SGIP1: variants seen among roughly 807,000 people sequenced by gnomAD.
The protein encoded by SGIP1 is SH3GL interacting endocytic adaptor 1, also known as SH3-containing GRB2-like protein 3-interacting protein 1.
SGIP1 carries 38 observed loss-of-function variants against 107.5 expected under a neutral mutation model. That is an observed-to-expected ratio of 0.35 (90% CI 0.27 to 0.46). SGIP1 has a LOEUF of 0.46. Ranked by LOEUF, SGIP1 falls within the 20% of genes least tolerant of loss-of-function variation. The pLI is 1.00. For synonymous variants in SGIP1, 365 were observed against 366.1 expected (o/e 1.00, Z 0.03); for missense variants, 929 against 1,019.5 (o/e 0.91, Z 1.21).
At chr1:66,615,563 G>A (rs1447342544) in intron 1 of SGIP1, among the ~76,000 whole-genome samples, 1 of 152,104 alleles carries the variant, frequency 6.6e-6, no homozygotes, top group Non-Finnish European at 1.5e-5. Flanking sequence ...AAAAGGAAAG[G>A]GCATATAGAA....
chr1:66,680,277 T>A (rs949565095), intron 14 of SGIP1, among the ~76,000 whole-genome samples: 5 of 152,266 alleles, frequency 3.3e-5, no homozygotes, highest in African/African-American at 1.2e-4. Flanking sequence ...TTATGAAATA[T>A]GGCAAGGAAT....
chr1:66,664,032 G>A (rs1260160489), intron 8 of SGIP1, among the ~76,000 whole-genome samples: 2 of 151,948 alleles, frequency 1.3e-5, no homozygotes, highest in African/African-American at 4.8e-5. Context: ...TTCATCTTGG[G>A]CCACTTTTAG....
At chr1:66,580,921 C>T (rs12091475) in intron 1 of SGIP1, among the ~76,000 whole-genome samples, 28,584 of 151,956 alleles carry the variant, frequency 0.19, 3,177 homozygotes, top group African/African-American at 0.31. Context: ...TAACTAACAA[C>T]CAGCTGTTTC....
chr1:66,588,505 A>G (rs67915022), intron 1 of SGIP1, among the ~76,000 whole-genome samples: 28,602 of 152,034 alleles, frequency 0.19, 3,189 homozygotes, highest in African/African-American at 0.31. Flanking sequence ...GAGACCATAT[A>G]CTCCAAGGCA....
intron 1 of SGIP1, among the ~76,000 whole-genome samples, chr1:66,617,852 C>A (rs2069798621): frequency 6.6e-6 from 1 of 152,104 alleles, no homozygotes; most frequent in Non-Finnish European, 1.5e-5. Context: ...AAATCGCATT[C>A]TTGTTTTTTG....
At chr1:66,695,271 A>AAAAAAAAAAAAAAAAAAATT in intron 17 of SGIP1, 163 bp from the exon 18 acceptor site, 1 of 1,325,974 alleles carries the variant, frequency 7.5e-7, no homozygotes, top group Non-Finnish European at 9.9e-7. Flanking sequence ...AAAAAAAAAA[A>AAAAAAAAAAAAAAAAAAATT]GTGTAGATTG....
chr1:66,679,633 A>G, intron 13 of SGIP1, 45 bp from the exon 14 acceptor site: 1 of 1,574,856 alleles, frequency 6.3e-7, no homozygotes, highest in South Asian at 1.2e-5. Context: ...TGTATGACTT[A>G]GGAAGCACAT....
At chr1:66,639,210 A>G (rs1428626180) in intron 4 of SGIP1, among the ~76,000 whole-genome samples, 1 of 152,172 alleles carries the variant, frequency 6.6e-6, no homozygotes, top group Admixed American at 6.5e-5. Context: ...AAGAAAAGCC[A>G]TTTGAAAAAA....
chr1:66,649,769 A>C (rs1249778493), intron 7 of SGIP1, among the ~76,000 whole-genome samples: 1 of 152,174 alleles, frequency 6.6e-6, no homozygotes, highest in Non-Finnish European at 1.5e-5. Context: ...CCAAAGTCAG[A>C]ATTCAACATA....
intron 4 of SGIP1, among the ~76,000 whole-genome samples, chr1:66,637,455 T>TGTGTG (rs2076007913): frequency 2.9e-4 from 11 of 38,458 alleles, no homozygotes; most frequent in South Asian, 2.3e-3. Flanking sequence ...GTGTGTGTGT[T>TGTGTG]TGTGTGTGTG....
Position 66,696,019 on chromosome 1 carries a change from T to C in SGIP1, c.1630+526T>C, listed in dbSNP as rs548268598. On this transcript the variant is annotated intron_variant, in intron 18 of 24. Transcript: ENST00000371037. ...AATCGGGAAAAGAAAAAAAGGAGTT[T>C]ATTAGTAAGTTTGTTCTGCGTCTCC... Among the ~76,000 whole-genome samples the C allele has an allele frequency of 5.3e-5, 8 of 152,330 alleles. No homozygotes were observed. The East Asian group carries it at 1.5e-3, about 29-fold the overall frequency.
chr1:66,742,834 G>A (rs2094501744), intron 24 of SGIP1, among the ~76,000 whole-genome samples: 1 of 152,016 alleles, frequency 6.6e-6, no homozygotes, highest in South Asian at 2.1e-4. Flanking sequence ...AATCTATTCT[G>A]GGCAAACCCC....
chr1:66,565,254 A>G (rs1187579056), intron 1 of SGIP1, among the ~76,000 whole-genome samples: 1 of 152,050 alleles, frequency 6.6e-6, no homozygotes, highest in East Asian at 1.9e-4. Flanking sequence ...TTGCCCAGGT[A>G]TAATACTCTA....
Position 66,589,214 on chromosome 1 carries a change from A to ATGTGTG in SGIP1, c.11-36632_11-36631insGTGTGT, listed in dbSNP as rs1456083520. Among the ~76,000 whole-genome samples, 218 of 91,338 alleles carry ATGTGTG rather than the reference A, an allele frequency of 2.4e-3. 7 individuals are homozygous for ATGTGTG. The highest frequency in any genetic ancestry group is 9.1e-3 in the African/African-American group (194 of 21,388). 59.9% of individuals were successfully genotyped at this position (91,338 alleles called of 152,430 possible). A position where few individuals can be genotyped will look rare whatever the true frequency, so the allele number is the denominator to read the frequency against. On this transcript the variant is annotated intron_variant, in intron 1 of 24. Coordinates refer to ENST00000371037, the MANE Select transcript of SGIP1 (RefSeq NM_032291.4). ...TATATATATATATATATATATATAT[A>ATGTGTG]TATGTAAGGCTTGGGGTAAAGAGAA...
At chr1:66,639,503 T>A (rs1424785241) in intron 4 of SGIP1, among the ~76,000 whole-genome samples, 3 of 152,240 alleles carry the variant, frequency 2.0e-5, no homozygotes, top group Non-Finnish European at 4.4e-5. Flanking sequence ...AGTAATTGAA[T>A]AAAATTTGAA....
chr1:66,533,572 C>T (rs2052875974), upstream of SGIP1: 1 of 151,992 alleles, frequency 6.6e-6, no homozygotes, highest in Admixed American at 6.6e-5. Flanking sequence ...ATTTTTCTCT[C>T]TTGAATGAAG....
intron 3 of SGIP1, chr1:66,634,045 A>G (rs1463355667): frequency 6.5e-7 from 1 of 1,537,694 alleles, no homozygotes; most frequent in Middle Eastern, 1.7e-4. Flanking sequence ...AATTGATCAG[A>G]CATTGGGTAA....
At chr1:66,610,880 G>A (rs2067854240) in intron 1 of SGIP1, among the ~76,000 whole-genome samples, 1 of 152,100 alleles carries the variant, frequency 6.6e-6, no homozygotes, top group African/African-American at 2.4e-5. Flanking sequence ...AAGTAACTCA[G>A]GAATGGAAAA....
At chr1:66,591,682 G>A (rs1011089737) in intron 1 of SGIP1, among the ~76,000 whole-genome samples, 1 of 152,140 alleles carries the variant, frequency 6.6e-6, no homozygotes, top group Non-Finnish European at 1.5e-5. Context: ...TGGGCCCAGG[G>A]GACTGGCGCT....
Sources: allele counts gnomAD v4.1 joint callset (sites outside exome capture counted in the v4.1 genomes callset), GRCh38; gene constraint gnomAD v4.1.1; transcripts MANE v1.5; gene names NCBI Gene and HGNC (gene_info 2026-07-23, HGNC 2026-07-21).